The following APBB2 variants were observed in gnomAD, a reference collection of about 807,000 sequenced individuals.
The protein encoded by APBB2 is amyloid beta precursor protein binding family B member 2.
In APBB2, 38 loss-of-function variants were observed where a neutral mutation model predicts 82.5. The observed-to-expected ratio is 0.46, with a 90% CI of 0.36 to 0.60. APBB2 has a LOEUF of 0.60. Among genes scored for constraint, APBB2 ranks in the 20% least tolerant of loss-of-function variants. APBB2 has a pLI of 0.00. For missense variants in APBB2, 772 were observed against 972.3 expected, an observed-to-expected ratio of 0.79 and a Z score of 2.74; for synonymous variants, 341 against 368.2, an observed-to-expected ratio of 0.93 and a Z score of 0.85.
chr4:40,862,063 T>C (rs1404114083), intron 12 of APBB2, among the ~76,000 whole-genome samples: 3 of 152,198 alleles, frequency 2.0e-5, no homozygotes, highest in South Asian at 2.1e-4. Flanking sequence ...ACCAATAACC[T>C]ATGATGTCCC....
intron 6 of APBB2, among the ~76,000 whole-genome samples, chr4:41,010,369 ATCT>A (rs932074402): frequency 6.6e-6 from 1 of 151,788 alleles, no homozygotes; most frequent in Admixed American, 6.6e-5. Context: ...AACTAAGCAT[ATCT>A]TCTTAACATG....
At chr4:40,928,107 T>C (rs545652001) in intron 10 of APBB2, among the ~76,000 whole-genome samples, 19 of 152,338 alleles carry the variant, frequency 1.2e-4, no homozygotes, top group Non-Finnish European at 1.9e-4. Context: ...AGTTGTCTTC[T>C]TAACAAATGC....
chr4:41,080,442 C>T (rs1737175900), intron 3 of APBB2, among the ~76,000 whole-genome samples: 1 of 152,146 alleles, frequency 6.6e-6, no homozygotes, highest in South Asian at 2.1e-4. Flanking sequence ...TGTGGTGCCC[C>T]ACTGTCTCTG....
At chr4:41,030,523 C>T (rs1716340088) in intron 5 of APBB2, among the ~76,000 whole-genome samples, 1 of 152,122 alleles carries the variant, frequency 6.6e-6, no homozygotes, top group South Asian at 2.1e-4. Context: ...CCTCAGACTC[C>T]CAAGTAGCTG....
intron 1 of APBB2, among the ~76,000 whole-genome samples, chr4:41,161,199 G>C (rs962962705): frequency 6.8e-6 from 1 of 147,786 alleles, no homozygotes; most frequent in African/African-American, 2.5e-5. Flanking sequence ...AAAAAACGTG[G>C]TAAGTTTGGA....
At position 40,826,318 on chromosome 4, in the gene APBB2, A is replaced by G. The variant is rs1282372744; in HGVS notation, c.1733-348T>C. Among the ~76,000 whole-genome samples, 2 of 151,864 alleles carry G rather than the reference A, an allele frequency of 1.3e-5. No individual in the cohort carries two copies. Among genetic ancestry groups the G allele is most frequent in the African/African-American group, 2.4e-5 (1 of 41,332 alleles). Reference sequence around the variant, plus strand: ...ATGCCCAGAGAAAATGTAACCTCAAAGGGCACAATCAGAGACATAGGAAGA... The same window carrying G: ...ATGCCCAGAGAAAATGTAACCTCAAGGGGCACAATCAGAGACATAGGAAGA... On this transcript the variant is annotated intron_variant, in intron 14 of 17. Coordinates refer to ENST00000508593, the MANE Select transcript of APBB2 (RefSeq NM_004307.2). This position sits in a 1 kb window ranked among gnomAD's most constrained non-coding sequence, Gnocchi z 4.5.
At chr4:40,945,888 G>A (rs926048184) in intron 6 of APBB2, among the ~76,000 whole-genome samples, 2 of 152,220 alleles carry the variant, frequency 1.3e-5, no homozygotes, top group African/African-American at 4.8e-5. Flanking sequence ...GACTACAGGC[G>A]TGAGCCACTG....
chr4:41,088,385 T>C (rs1256336988), intron 3 of APBB2, among the ~76,000 whole-genome samples: 1 of 152,214 alleles, frequency 6.6e-6, no homozygotes, highest in African/African-American at 2.4e-5. Flanking sequence ...AGGAACTTCC[T>C]AGGATTATAT....
intron 17 of APBB2, among the ~76,000 whole-genome samples, chr4:40,817,551 G>A (rs752172650): frequency 1.8e-4 from 28 of 151,898 alleles, no homozygotes; most frequent in Non-Finnish European, 3.5e-4. Flanking sequence ...TTACTCAGAG[G>A]GCAGACTTCT....
At chr4:41,172,142 G>C (rs1456310467) in intron 1 of APBB2, among the ~76,000 whole-genome samples, 1 of 152,092 alleles carries the variant, frequency 6.6e-6, no homozygotes, top group Non-Finnish European at 1.5e-5. Flanking sequence ...GTTTTCCATT[G>C]CCTCTAAAAC....
intron 10 of APBB2, among the ~76,000 whole-genome samples, chr4:40,925,995 A>T (rs564973975): frequency 6.6e-6 from 1 of 152,308 alleles, no homozygotes; most frequent in African/African-American, 2.4e-5. Flanking sequence ...AGTTATAACA[A>T]AAGAGTAAGG....
intron 2 of APBB2, chr4:41,137,948 C>G (rs948376290): frequency 6.6e-6 from 1 of 152,108 alleles, no homozygotes; most frequent in African/African-American, 2.4e-5. Context: ...GCAGGTGGAT[C>G]ATGAGGTCAG....
At chr4:41,078,359 T>C (rs201769316) in intron 3 of APBB2, among the ~76,000 whole-genome samples, 2 of 152,188 alleles carry the variant, frequency 1.3e-5, no homozygotes, top group Non-Finnish European at 2.9e-5. Flanking sequence ...GTAAGCTATA[T>C]ACATGTATAA....
At chr4:41,040,269 C>CA (rs1315928262) in intron 4 of APBB2, among the ~76,000 whole-genome samples, 2 of 152,160 alleles carry the variant, frequency 1.3e-5, no homozygotes, top group African/African-American at 4.8e-5. Context: ...GATCTATCTA[C>CA]AAAAACATAC....
chr4:41,070,896 A>G (rs1310783205), intron 3 of APBB2, among the ~76,000 whole-genome samples: 1 of 152,256 alleles, frequency 6.6e-6, no homozygotes, highest in East Asian at 1.9e-4. Flanking sequence ...AAGGAAAGGA[A>G]GGGAATATAT....
intron 1 of APBB2, among the ~76,000 whole-genome samples, chr4:41,195,511 C>A: frequency 1.3e-5 from 2 of 152,174 alleles, no homozygotes; most frequent in Non-Finnish European, 2.9e-5. Context: ...CAGATTACCA[C>A]ACAAGAGCCT....
chr4:41,178,753 T>A (rs1468872554), intron 1 of APBB2, among the ~76,000 whole-genome samples: 1 of 152,186 alleles, frequency 6.6e-6, no homozygotes, highest in Non-Finnish European at 1.5e-5. Flanking sequence ...GCCCAAAAGT[T>A]CACTGAGTCA....
At chr4:40,934,816 G>C (rs1578556904) in intron 8 of APBB2, 117 bp from the exon 9 acceptor site, 1 of 763,376 alleles carries the variant, frequency 1.3e-6, no homozygotes, top group Non-Finnish European at 2.2e-6. Flanking sequence ...CGTGAGCTTA[G>C]GCAGAGAAAG....
intron 6 of APBB2, among the ~76,000 whole-genome samples, chr4:41,004,800 G>A (rs1291044307): frequency 8.8e-6 from 1 of 114,186 alleles, no homozygotes; most frequent in Non-Finnish European, 1.6e-5. Flanking sequence ...TCGTGCCACT[G>A]CACTCCAGCC....
Sources: allele counts gnomAD v4.1 joint callset (sites outside exome capture counted in the v4.1 genomes callset), GRCh38; gene constraint gnomAD v4.1.1; non-coding constraint Gnocchi (gnomAD v3.1); transcripts MANE v1.5; gene names NCBI Gene and HGNC (gene_info 2026-07-23, HGNC 2026-07-21).